Variants in XIRP2 observed in about 807,000 individuals in gnomAD.
The protein encoded by XIRP2 is xin actin binding repeat containing 2.
Under a neutral mutation model 277.0 loss-of-function variants are expected in XIRP2, and 236 were observed. That is an observed-to-expected ratio of 0.85 (90% CI 0.77 to 0.95). The LOEUF (loss-of-function observed/expected upper bound fraction) is 0.95, where lower values mean the gene tolerates loss of function less well. Among genes scored for constraint, XIRP2 ranks in the 40% least tolerant of loss-of-function variants. The pLI, the probability that XIRP2 is intolerant of heterozygous loss-of-function variation, is 0.00. For missense variants in XIRP2, 4,640 were observed against 4,157.5 expected, an observed-to-expected ratio of 1.12 and a Z score of -3.19; for synonymous variants, 1,490 against 1,416.5, an observed-to-expected ratio of 1.05 and a Z score of -1.17.
At chr2:166,901,766 A>G (rs1349870621) in intron 1 of XIRP2, among the ~76,000 whole-genome samples, 1 of 152,106 alleles carries the variant, frequency 6.6e-6, no homozygotes, top group Non-Finnish European at 1.5e-5. Flanking sequence ...TCTTTGATCT[A>G]CTGTTTTATT....
At chr2:167,062,776 T>A (rs1689203863) in intron 2 of XIRP2, among the ~76,000 whole-genome samples, 1 of 152,034 alleles carries the variant, frequency 6.6e-6, no homozygotes, top group African/African-American at 2.4e-5. Context: ...AATTTGTGCC[T>A]AAAGGAATGA....
intron 2 of XIRP2, among the ~76,000 whole-genome samples, chr2:167,098,735 A>C (rs1040857514): frequency 1.3e-5 from 2 of 152,032 alleles, no homozygotes; most frequent in African/African-American, 4.8e-5. Flanking sequence ...TTGTGTAGTC[A>C]TTCTTTTTGT....
rs541793539 is a variant in XIRP2 at position 166,933,711 on chromosome 2, G to A, written c.408+29821G>A. Among the ~76,000 whole-genome samples, 3 of 152,106 alleles carry A rather than the reference G, an allele frequency of 2.0e-5. No homozygotes were observed. The East Asian group carries it at 5.8e-4, about 29-fold the overall frequency. ...ATGCAAACAGGAAGGAATAAATATA[G>A]CCAAGACAATCCTGAAGAAGAACTA... On this transcript the variant is annotated intron_variant, in intron 2 of 10. Coordinates refer to ENST00000409195, the MANE Select transcript of XIRP2 (RefSeq NM_152381.6).
chr2:167,168,354 T>C (rs1355108126), intron 3 of XIRP2, among the ~76,000 whole-genome samples: 2 of 152,168 alleles, frequency 1.3e-5, no homozygotes, highest in Non-Finnish European at 2.9e-5. Context: ...ATCTTCTCCT[T>C]CTGAGAGTCC....
chr2:167,244,189 C>T lies in XIRP2; in HGVS notation c.2797C>T (p.Arg933Ter), dbSNP rs765714672. The T allele has an allele frequency of 5.2e-5, 84 of 1,613,438 alleles. 1 individual carries two copies. The East Asian group carries it at 1.5e-3, about 28-fold the overall frequency. ...DIRKDKKEYT[R>*]TVKLEEVDRG... ...TAGAAAAGATAAAAAGGAGTACACA[C>T]GAACAGTGAAACTTGAAGAAGTTGA... Residue 933 changes from arginine to a stop codon, truncating the protein, a stop_gained, in exon 9 of 11, where the codon CGA becomes TGA. Coordinates refer to ENST00000409195, the MANE Select transcript of XIRP2 (RefSeq NM_152381.6). LOFTEE classifies it high-confidence loss of function.
rs756155715 is a variant in XIRP2 at position 167,258,756 on chromosome 2, C to T, written c.*939C>T. On this transcript the variant is annotated 3_prime_UTR_variant, in exon 11 of 11. Coordinates refer to ENST00000409195, the MANE Select transcript of XIRP2 (RefSeq NM_152381.6). ...GAATTTCTTGATCTATTACCCTTGT[C>T]GAGTGAAGCAAATGACACTGCAAAT... 3.5e-5 allele frequency: 57 copies of T among 1,613,084 alleles called. No individual in the cohort carries two copies. The highest frequency in any genetic ancestry group is 4.4e-5 in the South Asian group (4 of 91,054).
At chr2:166,934,219 A>G (rs1192159322) in intron 2 of XIRP2, among the ~76,000 whole-genome samples, 1 of 151,134 alleles carries the variant, frequency 6.6e-6, no homozygotes, top group Non-Finnish European at 1.5e-5. Context: ...AAAAAACAAA[A>G]CTAGGGTCTC....
At chr2:166,977,209 G>A (rs1574130621) in intron 2 of XIRP2, among the ~76,000 whole-genome samples, 2 of 152,162 alleles carry the variant, frequency 1.3e-5, no homozygotes, top group South Asian at 4.2e-4. Flanking sequence ...GCATGTGCAA[G>A]CATTTGTCTT....
intron 2 of XIRP2, among the ~76,000 whole-genome samples, chr2:167,067,379 C>T (rs1449817863): frequency 1.3e-5 from 2 of 152,034 alleles, no homozygotes; most frequent in Non-Finnish European, 2.9e-5. Context: ...CTAGAATTTT[C>T]TATTTTTTCT....
intron 2 of XIRP2, among the ~76,000 whole-genome samples, chr2:166,995,339 C>T (rs1022638183): frequency 6.6e-6 from 1 of 152,112 alleles, no homozygotes; most frequent in Non-Finnish European, 1.5e-5. Flanking sequence ...CGTTAGTGAC[C>T]TCTTTTCTCT....
Position 167,249,685 on chromosome 2 carries a change from T to C in XIRP2, c.8293T>C (p.Ser2765Pro), listed in dbSNP as rs765625787. The C allele has an allele frequency of 3.1e-6, 5 of 1,613,366 alleles. No individual in the cohort carries two copies. The highest frequency in any genetic ancestry group is 4.2e-6 in the Non-Finnish European group (5 of 1,179,722). ...EASTECSHKQ[S>P]LAERHYQLPK... The stretch of plus-strand genomic sequence containing the variant: ...AAGCACTGAATGTAGTCATAAGCAA[T>C]CTCTGGCTGAAAGACATTATCAGTT... Residue 2765 changes from serine to proline, a missense_variant, in exon 9 of 11, where the codon TCT becomes CCT. Coordinates refer to ENST00000409195, the MANE Select transcript of XIRP2 (RefSeq NM_152381.6).
At chr2:167,012,830 C>G (rs932033213) in intron 2 of XIRP2, among the ~76,000 whole-genome samples, 1 of 151,522 alleles carries the variant, frequency 6.6e-6, no homozygotes, top group Non-Finnish European at 1.5e-5. Context: ...GCCTTTCAGT[C>G]TGGCTATGCC....
chr2:167,208,594 CA>C (rs1363915425), intron 3 of XIRP2, among the ~76,000 whole-genome samples: 1 of 152,146 alleles, frequency 6.6e-6, no homozygotes, highest in Non-Finnish European at 1.5e-5. Context: ...AGGTGTGAGC[CA>C]CCGCGCCCGG....
chr2:167,020,287 A>G (rs1299234262), intron 2 of XIRP2, among the ~76,000 whole-genome samples: 1 of 152,020 alleles, frequency 6.6e-6, no homozygotes, highest in Non-Finnish European at 1.5e-5. Context: ...TAGTTACTTA[A>G]ATAGTAACAA....
chr2:166,943,145 G>A (rs914344258), intron 2 of XIRP2, among the ~76,000 whole-genome samples: 1 of 151,804 alleles, frequency 6.6e-6, no homozygotes, highest in Non-Finnish European at 1.5e-5. Flanking sequence ...TTTCTCTTTA[G>A]GATTCATGTA....
chr2:167,009,365 T>C (rs932460418), intron 2 of XIRP2, among the ~76,000 whole-genome samples: 1 of 151,940 alleles, frequency 6.6e-6, no homozygotes, highest in Admixed American at 6.6e-5. Context: ...CTTTCCAATT[T>C]CATCCATGTC....
intron 1 of XIRP2, among the ~76,000 whole-genome samples, chr2:166,892,334 A>G (rs1252393045): frequency 6.6e-6 from 1 of 152,196 alleles, no homozygotes; most frequent in African/African-American, 2.4e-5. Flanking sequence ...TCCAAAGCAC[A>G]CTGGGCCGGA....
intron 2 of XIRP2, among the ~76,000 whole-genome samples, chr2:167,080,370 GA>G (rs1689697171): frequency 6.6e-6 from 1 of 152,194 alleles, no homozygotes; most frequent in Admixed American, 6.5e-5. Flanking sequence ...CTGTCCTGGA[GA>G]AAACATGAGG....
intron 1 of XIRP2, among the ~76,000 whole-genome samples, chr2:166,901,307 G>A (rs1574062332): frequency 1.3e-5 from 2 of 152,026 alleles, no homozygotes; most frequent in African/African-American, 4.8e-5. Flanking sequence ...CAGGTCCCAA[G>A]GTTCCTAGGC....
Sources: allele counts gnomAD v4.1 joint callset (sites outside exome capture counted in the v4.1 genomes callset), GRCh38; gene constraint gnomAD v4.1.1; transcripts MANE v1.5; gene names NCBI Gene and HGNC (gene_info 2026-07-23, HGNC 2026-07-21).